DIAPH3: variants seen among roughly 807,000 people sequenced by gnomAD.
The protein encoded by DIAPH3 is protein diaphanous homolog 3.
A neutral mutation model predicts 144.3 loss-of-function variants in DIAPH3; 117 were observed. That is an observed-to-expected ratio of 0.81 (90% CI 0.70 to 0.95). DIAPH3 has a LOEUF of 0.95. Ranked by LOEUF, DIAPH3 falls within the 40% of genes least tolerant of loss-of-function variation. The pLI, the probability that DIAPH3 is intolerant of heterozygous loss-of-function variation, is 0.00. For missense variants in DIAPH3, 1,421 were observed against 1,412.7 expected (o/e 1.01, Z -0.09); for synonymous variants, 519 against 488.9 (o/e 1.06, Z -0.81).
At chr13:59,861,355 C>A in intron 22 of DIAPH3, 52 bp downstream of exon 22, 2 of 1,612,762 alleles carry the variant, frequency 1.2e-6, no homozygotes, top group Non-Finnish European at 1.7e-6. Flanking sequence ...AATTTTCAGT[C>A]TTTTAGCACT....
chr13:60,117,267 T>C (rs1447465645), intron 2 of DIAPH3, among the ~76,000 whole-genome samples: 1 of 152,000 alleles, frequency 6.6e-6, no homozygotes, highest in Admixed American at 6.5e-5. Context: ...GAAGGCAAGA[T>C]AGGAAAAATT....
At position 59,871,004 on chromosome 13, in the gene DIAPH3, T is replaced by C. The variant is rs1368975057; in HGVS notation, c.2607+8225A>G. On this transcript the variant is annotated intron_variant, in intron 21 of 27. Coordinates refer to ENST00000400324, the MANE Select transcript of DIAPH3 (RefSeq NM_001042517.2). ...TCCTCATACAGATCTTATATGTATT[T>C]TGTTAGATTAATACCTATGTATGGT... Among the ~76,000 whole-genome samples, 3 of 152,258 alleles carry C rather than the reference T, an allele frequency of 2.0e-5. No individual in the cohort carries two copies. In the East Asian group the frequency reaches 5.8e-4, roughly 29 times the overall value.
rs561296191 is a variant in DIAPH3, at chr13:59,703,175, C to T, written c.3320-36329G>A. 5.9e-5 allele frequency among the ~76,000 whole-genome samples: 9 copies of T among 152,320 alleles called. No individual in the cohort carries two copies. In the East Asian group the frequency reaches 1.7e-3, roughly 29 times the overall value. On this transcript the variant is annotated intron_variant, in intron 27 of 27. Coordinates refer to ENST00000400324, the MANE Select transcript of DIAPH3 (RefSeq NM_001042517.2). ...TGTGATGATGGAGCACTTGAAATGG[C>T]TAGCTCAACTTGAGATGTGGTGAAG... is the stretch of plus-strand genomic sequence containing the variant.
intron 27 of DIAPH3, among the ~76,000 whole-genome samples, chr13:59,670,755 T>C (rs559375696): frequency 3.3e-5 from 5 of 152,186 alleles, no homozygotes; most frequent in South Asian, 4.2e-4. Context: ...GCTAATTTTT[T>C]TGCATTTTTA....
At chr13:59,939,776 C>T (rs1379816885) in intron 17 of DIAPH3, among the ~76,000 whole-genome samples, 2 of 151,890 alleles carry the variant, frequency 1.3e-5, no homozygotes, top group African/African-American at 4.8e-5. Flanking sequence ...AAGGCAAAGT[C>T]ACCTTTTATT....
At chr13:60,079,194 C>CA (rs2057467107) in intron 4 of DIAPH3, among the ~76,000 whole-genome samples, 1 of 151,956 alleles carries the variant, frequency 6.6e-6, no homozygotes, top group African/African-American at 2.4e-5. Context: ...GGGCAGAAAA[C>CA]AAAGTTCACC....
intron 14 of DIAPH3, among the ~76,000 whole-genome samples, chr13:59,979,829 T>C (rs778922756): frequency 5.9e-5 from 9 of 151,650 alleles, no homozygotes; most frequent in Non-Finnish European, 1.3e-4. Context: ...GGGTTCATCA[T>C]GGTGACAACA....
chr13:59,979,257 A>T (rs1054680186), intron 14 of DIAPH3, among the ~76,000 whole-genome samples: 5 of 151,654 alleles, frequency 3.3e-5, no homozygotes, highest in Non-Finnish European at 7.4e-5. Flanking sequence ...GTTTGACTCC[A>T]TTCATATATA....
At chr13:59,891,722 T>C (rs1326179168) in intron 20 of DIAPH3, among the ~76,000 whole-genome samples, 5 of 151,962 alleles carry the variant, frequency 3.3e-5, no homozygotes, top group African/African-American at 1.2e-4. Context: ...AAAGCAACTT[T>C]AAGTACAGTA....
rs1453933152 is a variant in DIAPH3, at chr13:59,813,967, GTATC to G, written c.3028-3048_3028-3045del. 1.6e-4 allele frequency among the ~76,000 whole-genome samples: 24 copies of G among 152,188 alleles called. 1 individual carries two copies. The South Asian group carries it at 3.5e-3, about 22-fold the overall frequency. On this transcript the variant is annotated intron_variant, in intron 24 of 27. Transcript: ENST00000400324. ...TGTGTGTGCATGTATACTCATGTAT[GTATC>G]TATAAGGGAGATGGGGTAAGAAGAT...
chr13:60,067,493 C>A (rs1344159693), intron 4 of DIAPH3, among the ~76,000 whole-genome samples: 1 of 152,188 alleles, frequency 6.6e-6, no homozygotes, highest in East Asian at 1.9e-4. Context: ...AGATAGCCGA[C>A]CCCTTGCTAG....
chr13:60,155,333 G>A (rs889037874), intron 1 of DIAPH3, among the ~76,000 whole-genome samples: 9 of 151,994 alleles, frequency 5.9e-5, no homozygotes, highest in East Asian at 1.9e-4. Context: ...CCTTTTTACC[G>A]TCAAAGAAAA....
At position 60,085,686 on chromosome 13, in the gene DIAPH3, T is replaced by A. The variant is rs143340711; in HGVS notation, c.495+7942A>T. ...TTGTTCACTGAAAGACACCTGCACA[T>A]ACATAGCATTTATTTTCTTAAATTT... On this transcript the variant is annotated intron_variant, in intron 4 of 27. Transcript: ENST00000400324. 3.9e-5 allele frequency among the ~76,000 whole-genome samples: 6 copies of A among 152,278 alleles called. No individual in the cohort carries two copies. The East Asian group carries it at 1.2e-3, about 29-fold the overall frequency.
At chr13:59,719,166 A>AT (rs376099788) in intron 27 of DIAPH3, among the ~76,000 whole-genome samples, 3 of 152,042 alleles carry the variant, frequency 2.0e-5, no homozygotes, top group Admixed American at 6.6e-5. Context: ...CTTCCAGAAT[A>AT]TTTTTTCCTT....
intron 17 of DIAPH3, among the ~76,000 whole-genome samples, chr13:59,943,099 T>C (rs1344046098): frequency 1.3e-5 from 2 of 152,186 alleles, no homozygotes; most frequent in Non-Finnish European, 2.9e-5. Flanking sequence ...AGACATATGA[T>C]CAATTTAACA....
chr13:59,817,135 C>T (rs2040818897), intron 24 of DIAPH3, among the ~76,000 whole-genome samples: 1 of 151,636 alleles, frequency 6.6e-6, no homozygotes, highest in Non-Finnish European at 1.5e-5. Flanking sequence ...TAGTATGTAA[C>T]CAATTTTATA....
chr13:59,958,891 T>C (rs971518266), intron 17 of DIAPH3, among the ~76,000 whole-genome samples: 243 of 148,732 alleles, frequency 1.6e-3, no homozygotes, highest in Non-Finnish European at 2.7e-3. Context: ...TTTTTTTTTT[T>C]TGAGATAGAG....
intron 2 of DIAPH3, among the ~76,000 whole-genome samples, chr13:60,114,595 A>G (rs1389398687): frequency 3.3e-5 from 5 of 151,754 alleles, no homozygotes; most frequent in African/African-American, 1.2e-4. Flanking sequence ...TATATAACTC[A>G]ATTCACAGAT....
chr13:60,039,878 C>T (rs986646872), intron 5 of DIAPH3, among the ~76,000 whole-genome samples: 1 of 152,030 alleles, frequency 6.6e-6, no homozygotes, highest in Non-Finnish European at 1.5e-5. Flanking sequence ...GCATAACTTC[C>T]AAGTTTTACA....
Sources: gnomAD v4.1 joint callset for allele counts (sites outside exome capture counted in the v4.1 genomes callset) on GRCh38, gnomAD v4.1.1 for gene constraint, MANE v1.5 for transcripts, NCBI Gene and HGNC (gene_info 2026-07-23, HGNC 2026-07-21) for gene names.